SPIRE1: variants seen among roughly 807,000 people sequenced by gnomAD.
SPIRE1 encodes the protein protein spire homolog 1.
Under a neutral mutation model 94.1 loss-of-function variants are expected in SPIRE1, and 40 were observed. That is an observed-to-expected ratio of 0.43 (90% CI 0.33 to 0.55). The LOEUF (loss-of-function observed/expected upper bound fraction) is 0.55, where lower values mean the gene tolerates loss of function less well. SPIRE1 is among the 20% of genes least tolerant of loss of function. The probability of loss-of-function intolerance (pLI) is 0.06; values close to 1 mark genes in which losing one functional copy is unlikely to be tolerated. For missense variants in SPIRE1, 838 were observed against 975.2 expected, an observed-to-expected ratio of 0.86 and a Z score of 1.87; for synonymous variants, 376 against 371.7, an observed-to-expected ratio of 1.01 and a Z score of -0.13.
At chr18:12,622,431 T>TTTTTC (rs2037499607) in intron 2 of SPIRE1, among the ~76,000 whole-genome samples, 1 of 145,672 alleles carries the variant, frequency 6.9e-6, no homozygotes. Flanking sequence ...CTTTTTTTTT[T>TTTTTC]TTTTTTTTTG....
At chr18:12,451,621 C>T (rs946340612) in intron 16 of SPIRE1, among the ~76,000 whole-genome samples, 4 of 152,174 alleles carry the variant, frequency 2.6e-5, no homozygotes, top group African/African-American at 4.8e-5. Flanking sequence ...ACAGCTTCCT[C>T]GCCTCGCTGT....
At chr18:12,467,585 G>C (rs2032167404) in intron 10 of SPIRE1, among the ~76,000 whole-genome samples, 1 of 152,234 alleles carries the variant, frequency 6.6e-6, no homozygotes, top group African/African-American at 2.4e-5. Context: ...ATAATTATCT[G>C]CTACCCTGAT....
chr18:12,549,854 A>C (rs1598460469), intron 2 of SPIRE1, among the ~76,000 whole-genome samples: 1 of 152,056 alleles, frequency 6.6e-6, no homozygotes, highest in Admixed American at 6.6e-5. Flanking sequence ...GCAAATATCA[A>C]CACCAGCGAT....
At chr18:12,584,870 C>T (rs533943437) in intron 2 of SPIRE1, among the ~76,000 whole-genome samples, 1 of 152,288 alleles carries the variant, frequency 6.6e-6, no homozygotes, top group South Asian at 2.1e-4. Context: ...ACCTCCGCCT[C>T]CTGGGTTCAA....
At chr18:12,636,701 AC>A (rs1438584872) in intron 1 of SPIRE1, among the ~76,000 whole-genome samples, 1 of 152,146 alleles carries the variant, frequency 6.6e-6, no homozygotes, top group African/African-American at 2.4e-5. Flanking sequence ...AAATGAGCTT[AC>A]TAGCTAAGGG....
chr18:12,479,958 C>T (rs1827335963), intron 9 of SPIRE1, 87 bp from the exon 10 acceptor site: 1 of 1,308,126 alleles, frequency 7.6e-7, no homozygotes, highest in Non-Finnish European at 1.0e-6. Flanking sequence ...GCATTTCATA[C>T]AAAAACACAG....
intron 4 of SPIRE1, 86 bp from the exon 5 acceptor site, chr18:12,512,617 T>C (rs1052077471): frequency 5.0e-6 from 4 of 803,832 alleles, no homozygotes; most frequent in African/African-American, 3.5e-5. Context: ...AGATAAGACA[T>C]ATATTCAAGT....
intron 1 of SPIRE1, among the ~76,000 whole-genome samples, chr18:12,654,490 C>T (rs2038477999): frequency 6.7e-6 from 1 of 148,582 alleles, no homozygotes; most frequent in African/African-American, 2.5e-5. Context: ...ACTAAAAATA[C>T]AAAAAAATTA....
chr18:12,468,792 C>T (rs2032227063), intron 10 of SPIRE1, among the ~76,000 whole-genome samples: 1 of 152,162 alleles, frequency 6.6e-6, no homozygotes, highest in Non-Finnish European at 1.5e-5. Context: ...GGCATGGTAG[C>T]TCGCCCCTGC....
chr18:12,518,575 C>T (rs916704156), intron 4 of SPIRE1, among the ~76,000 whole-genome samples: 6 of 151,498 alleles, frequency 4.0e-5, no homozygotes, highest in Admixed American at 2.0e-4. Context: ...CCCAACTACT[C>T]GGGAGGCTGA....
chr18:12,488,924 G>A (rs1468309652), intron 8 of SPIRE1, among the ~76,000 whole-genome samples: 4 of 152,136 alleles, frequency 2.6e-5, no homozygotes, highest in Non-Finnish European at 4.4e-5. Context: ...GGTGGCTCAC[G>A]CCTGTAATCC....
intron 11 of SPIRE1, among the ~76,000 whole-genome samples, chr18:12,464,257 A>C (rs2031997084): frequency 3.3e-4 from 1 of 3,040 alleles, no homozygotes; most frequent in African/African-American, 3.6e-3. Context: ...TATAATATCC[A>C]ATTGTGGATA....
At chr18:12,499,392 T>G (rs2033576898) in intron 6 of SPIRE1, among the ~76,000 whole-genome samples, 1 of 152,212 alleles carries the variant, frequency 6.6e-6, no homozygotes, top group African/African-American at 2.4e-5. Context: ...ATCTTTGTTG[T>G]AAGTTGTAAA....
At chr18:12,568,245 CCA>C (rs2144442871) in intron 2 of SPIRE1, among the ~76,000 whole-genome samples, 1 of 152,320 alleles carries the variant, frequency 6.6e-6, no homozygotes, top group East Asian at 1.9e-4. Context: ...AATGACAAAT[CCA>C]CTCTTACATG....
At chr18:12,632,998 GA>G (rs2037825059) in intron 2 of SPIRE1, among the ~76,000 whole-genome samples, 1 of 152,160 alleles carries the variant, frequency 6.6e-6, no homozygotes, top group African/African-American at 2.4e-5. Flanking sequence ...TAAGGTTTAT[GA>G]AACATTTTAA....
At chr18:12,653,690 G>A (rs1224147592) in intron 1 of SPIRE1, among the ~76,000 whole-genome samples, 8 of 152,202 alleles carry the variant, frequency 5.3e-5, no homozygotes, top group African/African-American at 1.9e-4. Context: ...GCTTACACCT[G>A]TAATCCCAGC....
At chr18:12,453,245 C>T in intron 13 of SPIRE1, 107 bp from the exon 14 acceptor site, 1 of 657,258 alleles carries the variant, frequency 1.5e-6, no homozygotes, top group East Asian at 2.8e-5. Context: ...GCTGAACAGA[C>T]AAGAGGAGGA....
intron 2 of SPIRE1, among the ~76,000 whole-genome samples, chr18:12,585,111 A>AT (rs1215622086): frequency 6.6e-6 from 1 of 152,044 alleles, no homozygotes; most frequent in African/African-American, 2.4e-5. Flanking sequence ...GCCAATAAAT[A>AT]TTTTTTTAAA....
At chr18:12,581,634 C>T (rs184910000) in intron 2 of SPIRE1, among the ~76,000 whole-genome samples, 4 of 152,232 alleles carry the variant, frequency 2.6e-5, no homozygotes, top group East Asian at 3.9e-4. Flanking sequence ...GAGGTCAAGG[C>T]GGGCGGATGA....
Sources: allele counts gnomAD v4.1 joint callset (sites outside exome capture counted in the v4.1 genomes callset), GRCh38; gene constraint gnomAD v4.1.1; transcripts MANE v1.5; gene names NCBI Gene and HGNC (gene_info 2026-07-23, HGNC 2026-07-21).